MYBL1: variants seen among roughly 807,000 people sequenced by gnomAD.
MYBL1 encodes myb-related protein A.
Under a neutral mutation model 96.3 loss-of-function variants are expected in MYBL1, and 17 were observed. That is an observed-to-expected ratio of 0.18 (90% confidence interval 0.12 to 0.26). The LOEUF is 0.26. MYBL1 is among the 10% of genes least tolerant of loss of function. The pLI is 1.00. For missense variants in MYBL1, 701 were observed against 882.9 expected (o/e 0.79, Z 2.61); for synonymous variants, 282 against 292.7 (o/e 0.96, Z 0.37).
chr8:66,571,458 A>G (rs1354268735), intron 12 of MYBL1, among the ~76,000 whole-genome samples: 2 of 152,226 alleles, frequency 1.3e-5, no homozygotes, highest in African/African-American at 4.8e-5. Context: ...TTAGTTTCCT[A>G]AAGAGGTACC....
At position 66,580,362 on chromosome 8, in the gene MYBL1, G is replaced by A; in HGVS notation, c.872C>T (p.Pro291Leu). The A allele has an allele frequency of 6.3e-7, 1 of 1,588,894 alleles. No individual in the cohort carries two copies. Among genetic ancestry groups the A allele is most frequent in the Non-Finnish European group, 8.6e-7 (1 of 1,160,334 alleles). ...EVRRKRIPSQ[P>L]GSFSSWSGSF... ...ACCAGACCAGCTAGAAAAACTTCCAGGCTGCTAAAGGTACAAAAGAAATTT... is the reference window on the plus strand; with the variant it reads ...ACCAGACCAGCTAGAAAAACTTCCAAGCTGCTAAAGGTACAAAAGAAATTT... Residue 291 changes from proline (P) to leucine (L), a missense_variant, in exon 9 of 16, where the codon CCT (proline) becomes CTT (leucine). This residue lies in a region of MYBL1 where 396 missense variants were observed against 407.4 expected (regional missense o/e 0.97). Transcript: ENST00000522677.
At chr8:66,612,631 TG>T in intron 1 of MYBL1, 187 bp downstream of exon 1, 2 of 572,484 alleles carry the variant, frequency 3.5e-6, no homozygotes, top group South Asian at 1.8e-4. Context: ...TCAAACACCC[TG>T]GTCCCCAACT....
intron 11 of MYBL1, 39 bp downstream of exon 11, chr8:66,573,325 C>A: frequency 6.5e-7 from 1 of 1,548,222 alleles, no homozygotes; most frequent in South Asian, 1.3e-5. Context: ...ACACTGTGCT[C>A]CCCATTTTCT....
chr8:66,586,302 T>G (rs1356363788), intron 8 of MYBL1, among the ~76,000 whole-genome samples: 1 of 152,074 alleles, frequency 6.6e-6, no homozygotes, highest in Admixed American at 6.6e-5. Context: ...CACCTTAGCC[T>G]CTCAAAGTGT....
chr8:66,590,189 C>CA (rs1809584051), intron 8 of MYBL1, among the ~76,000 whole-genome samples: 1 of 152,148 alleles, frequency 6.6e-6, no homozygotes, highest in Non-Finnish European at 1.5e-5. Context: ...ATAAAGACAT[C>CA]ACCAGTTGCC....
chr8:66,594,488 T>C (rs1299998718), intron 6 of MYBL1, among the ~76,000 whole-genome samples: 1 of 152,158 alleles, frequency 6.6e-6, no homozygotes, highest in Non-Finnish European at 1.5e-5. Context: ...ATAAGAAATA[T>C]CCTCATCTTT....
At chr8:66,594,747 C>T (rs1320057609) in intron 6 of MYBL1, among the ~76,000 whole-genome samples, 1 of 152,138 alleles carries the variant, frequency 6.6e-6, no homozygotes, top group Non-Finnish European at 1.5e-5. Context: ...AATGTCATTA[C>T]TCTAAGTGGT....
At chr8:66,579,630 C>G (rs1406316636) in intron 9 of MYBL1, among the ~76,000 whole-genome samples, 2 of 150,950 alleles carry the variant, frequency 1.3e-5, no homozygotes, top group Non-Finnish European at 2.9e-5. Flanking sequence ...ACACTCCAGC[C>G]TGGGCGACAG....
chr8:66,580,786 C>A (rs1038085417), intron 8 of MYBL1, among the ~76,000 whole-genome samples: 3 of 152,104 alleles, frequency 2.0e-5, no homozygotes, highest in Non-Finnish European at 2.9e-5. Flanking sequence ...ACCTGGAGTG[C>A]CTTTGCACAT....
chr8:66,612,959 C>G lies in MYBL1; in HGVS notation c.-121G>C. ...TTCCCTCGCTCCCTCTGGAGGCGGC[C>G]GAGTGCGGAACGCACGTCCTCGACA... is the stretch of plus-strand genomic sequence containing the variant. On this transcript the variant is annotated 5_prime_UTR_variant, in exon 1 of 16. Coordinates refer to ENST00000522677, the MANE Select transcript of MYBL1 (RefSeq NM_001080416.4). 3 of 1,162,546 alleles carry G rather than the reference C, an allele frequency of 2.6e-6. No homozygotes were observed. The East Asian group carries it at 8.7e-5, about 34-fold the overall frequency. The allele number at this position is 1,162,546 out of a possible 1,614,324, so 72.0% of individuals were successfully genotyped here.
chr8:66,584,212 T>C (rs1809323258), intron 8 of MYBL1, among the ~76,000 whole-genome samples: 1 of 152,036 alleles, frequency 6.6e-6, no homozygotes, highest in South Asian at 2.1e-4. Context: ...ACAAGTTAAC[T>C]ATAGAAAAAA....
chr8:66,602,911 A>G (rs1330576911), intron 1 of MYBL1, among the ~76,000 whole-genome samples: 2 of 150,622 alleles, frequency 1.3e-5, no homozygotes, highest in African/African-American at 2.4e-5. Context: ...ACGCCCAGCT[A>G]ATTTTTTGTA....
At chr8:66,573,307 C>T in intron 11 of MYBL1, 57 bp downstream of exon 11, 2 of 1,427,510 alleles carry the variant, frequency 1.4e-6, no homozygotes, top group Non-Finnish European at 1.9e-6. Context: ...AAAAGCTAAT[C>T]TACTTTAACA....
chr8:66,575,660 C>A (rs536722171), intron 10 of MYBL1, among the ~76,000 whole-genome samples: 2 of 151,872 alleles, frequency 1.3e-5, no homozygotes, highest in Non-Finnish European at 1.5e-5. Flanking sequence ...TGTGGTGGCA[C>A]GCATCTATAG....
In MYBL1 at chr8:66,566,095, G is replaced by A. The variant is rs201328796; in HGVS notation, c.2099C>T (p.Ser700Phe). The change falls in exon 15 of 16, where the codon TCC (serine) becomes TTC (phenylalanine). Residue 700 changes from serine to phenylalanine, a missense_variant. Physicochemically the swap from Ser to Phe is radical, Grantham distance 155 (BLOSUM62 -2). Transcript: ENST00000522677. The part of the protein sequence containing the change: ...LTKKKPNPNT[S>F]KVVKLEKNLQ... ...ATTCTTTTCCAATTTGACAACTTTG[G>A]AAGTGTTAGGGTTTGGTTTCTTTTT... The A allele has an allele frequency of 6.5e-7, 1 of 1,535,520 alleles. No individual in the cohort carries two copies. Among genetic ancestry groups the A allele is most frequent in the Non-Finnish European group, 8.8e-7 (1 of 1,139,154 alleles).
At position 66,563,901 on chromosome 8, in the gene MYBL1, A is replaced by G. The variant is rs1249070200; in HGVS notation, c.*796T>C. 5 of 152,472 alleles carry G rather than the reference A, an allele frequency of 3.3e-5. No individual in the cohort carries two copies. In the East Asian group the frequency reaches 9.6e-4, roughly 29 times the overall value. The allele number at this position is 152,472 out of a possible 1,614,324, so 9.4% of individuals were successfully genotyped here. A position where few individuals can be genotyped will look rare whatever the true frequency, so the allele number is the denominator to read the frequency against. On this transcript the variant is annotated 3_prime_UTR_variant, in exon 16 of 16. Transcript: ENST00000522677. ...TGTGTTAGCTGTAATAACAGGAAAC[A>G]ACATTGGCTTCTAGGCACCCTGTAT... is the stretch of plus-strand genomic sequence containing the variant.
chr8:66,604,851 G>A (rs1033688121), intron 1 of MYBL1, among the ~76,000 whole-genome samples: 3 of 152,174 alleles, frequency 2.0e-5, no homozygotes, highest in Admixed American at 2.0e-4. Context: ...AACATAAGTA[G>A]AGCTATTTAC....
intron 4 of MYBL1, among the ~76,000 whole-genome samples, chr8:66,598,673 G>A (rs1321476861): frequency 6.6e-6 from 1 of 152,070 alleles, no homozygotes; most frequent in Non-Finnish European, 1.5e-5. Context: ...AATGACTTCC[G>A]TGCATATCAA....
intron 9 of MYBL1, among the ~76,000 whole-genome samples, chr8:66,579,442 A>C (rs565784247): frequency 6.6e-6 from 1 of 152,094 alleles, no homozygotes; most frequent in Non-Finnish European, 1.5e-5. Flanking sequence ...GGATCACTTG[A>C]GGTCAGGAGT....
Sources: gnomAD v4.1 joint callset for allele counts (sites outside exome capture counted in the v4.1 genomes callset) on GRCh38, gnomAD v4.1.1 for gene constraint, gnomAD v4.1.1 regional missense constraint, MANE v1.5 for transcripts, NCBI Gene and HGNC (gene_info 2026-07-23, HGNC 2026-07-21) for gene names.